The following ERLIN2 variants were observed in gnomAD, a reference collection of about 807,000 sequenced individuals.
ERLIN2 encodes ER lipid raft associated 2, also known as erlin-2.
Under a neutral mutation model 41.5 loss-of-function variants are expected in ERLIN2, and 22 were observed. The ratio of observed to expected loss-of-function variants is 0.53; its 90% confidence interval spans 0.38 to 0.76. The LOEUF is 0.76. ERLIN2 is among the 30% of genes least tolerant of loss of function. The pLI, the probability that ERLIN2 is intolerant of heterozygous loss-of-function variation, is 0.00. For missense variants in ERLIN2, 247 were observed against 414.3 expected (o/e 0.60, Z 3.51); for synonymous variants, 149 against 150.9 (o/e 0.99, Z 0.09).
intron 10 of ERLIN2, 134 bp downstream of exon 10, chr8:37,751,849 C>T (rs1308351621): frequency 1.8e-5 from 13 of 737,604 alleles, no homozygotes; most frequent in Non-Finnish European, 3.2e-5. Context: ...CAGCTTTTCT[C>T]CATGTGGAGA....
chr8:37,747,989 A>G lies in ERLIN2; in HGVS notation c.425-1570A>G, dbSNP rs537130939. 1.5e-3 allele frequency: 2,483 copies of G among 1,614,126 alleles called. 3 individuals carry two copies. The highest frequency in any genetic ancestry group is 1.9e-3 in the Non-Finnish European group (2,258 of 1,179,936). ...GTGTCAGAGCAGACTACTGACCGAG[A>G]CACTACTTTCGGCATGGTTTCCAGG... On this transcript the variant is annotated intron_variant, in intron 6 of 11. Coordinates refer to ENST00000519638, the MANE Select transcript of ERLIN2 (RefSeq NM_007175.8).
Position 37,740,423 on chromosome 8 carries a change from A to G in ERLIN2, c.166A>G (p.Ile56Val). ...GPGFHLMLPF[I>V]TSYKSVQTTL... ...TGGTTTCCATCTCATGCTCCCTTTC[A>G]TCACATCATATAAGTCTGTGCAGGT... The change falls in exon 3 of 12, where the codon ATC (isoleucine) becomes GTC (valine). Residue 56 changes from isoleucine (I) to valine (V), a missense_variant. Around this residue, in one of 3 missense-constraint regions of ERLIN2, gnomAD observed 93 missense variants for 139.0 expected, o/e 0.67. Coordinates refer to ENST00000519638, the MANE Select transcript of ERLIN2 (RefSeq NM_007175.8). 2 of 1,613,022 alleles carry G rather than the reference A, an allele frequency of 1.2e-6. No homozygotes were observed. Among genetic ancestry groups the G allele is most frequent in the Non-Finnish European group, 1.7e-6 (2 of 1,179,412 alleles).
In ERLIN2 at chr8:37,744,875, T is replaced by A. The variant is rs78504213; in HGVS notation, c.424+179T>A. On this transcript the variant is annotated intron_variant, in intron 6 of 11. Coordinates refer to ENST00000519638, the MANE Select transcript of ERLIN2 (RefSeq NM_007175.8). Reference sequence around the variant, plus strand: ...GGAGTTCATGGAGAATGCTGATAGCTATGCAACAAGATCCTTAGAGGGCTG... The same window carrying A: ...GGAGTTCATGGAGAATGCTGATAGCAATGCAACAAGATCCTTAGAGGGCTG... 12,697 of 736,874 alleles carry A rather than the reference T, an allele frequency of 0.017. 1,157 individuals carry two copies. The African/African-American group carries it at 0.19, about 11-fold the overall frequency. 45.6% of individuals were successfully genotyped at this position (736,874 alleles called of 1,614,324 possible).
chr8:37,746,830 G>A (rs1024361704), intron 6 of ERLIN2, among the ~76,000 whole-genome samples: 2 of 152,212 alleles, frequency 1.3e-5, no homozygotes, highest in Admixed American at 1.3e-4. Flanking sequence ...GGTCTCCTCT[G>A]ACAGTAGAAA....
chr8:37,743,603 A>G (rs955843045), intron 4 of ERLIN2, among the ~76,000 whole-genome samples: 1 of 152,200 alleles, frequency 6.6e-6, no homozygotes, highest in Non-Finnish European at 1.5e-5. Flanking sequence ...AGGCATACAC[A>G]GGTCAGTCCA....
rs372480451 is a variant in ERLIN2 at position 37,749,834 on chromosome 8, G to T, written c.539G>T (p.Arg180Leu). The T allele has an allele frequency of 6.2e-7, 1 of 1,614,072 alleles. No homozygotes were observed. Residue 180 changes from arginine to leucine, a missense_variant, in exon 8 of 12, where the codon CGC (arginine) becomes CTC (leucine). Arg to Leu is a moderately radical substitution (Grantham distance 102). Around this residue, in one of 3 missense-constraint regions of ERLIN2, gnomAD observed 153 missense variants for 256.4 expected, o/e 0.60. Coordinates refer to ENST00000519638, the MANE Select transcript of ERLIN2 (RefSeq NM_007175.8). ...AAGCCCAACATACCAGAGGCAATCC[G>T]CAGAAACTACGAGTTGATGTGAGTA... Reference protein sequence around the residue: ...VTKPNIPEAIRRNYELMESEK... With the variant: ...VTKPNIPEAILRNYELMESEK...
chr8:37,748,833 GT>G (rs1479024129), intron 6 of ERLIN2, among the ~76,000 whole-genome samples: 2 of 152,324 alleles, frequency 1.3e-5, no homozygotes, highest in African/African-American at 4.8e-5. Context: ...TGGTACTGCT[GT>G]TCTGAGATTG....
chr8:37,744,298 G>A, intron 4 of ERLIN2, 57 bp from the exon 5 acceptor site: 1 of 1,396,270 alleles, frequency 7.2e-7, no homozygotes. Flanking sequence ...CACCCTGGGG[G>A]ACTGCACCAT....
rs112575270 is a variant in ERLIN2, at chr8:37,740,380, G to A, written c.123G>A (p.Leu41=). 2.3e-4 allele frequency: 378 copies of A among 1,612,584 alleles called. No homozygotes were observed. The African/African-American group carries it at 3.9e-3, about 17-fold the overall frequency. Residue 41 remains leucine (L), a synonymous_variant, in exon 3 of 12, where the codon CTG becomes CTA. Transcript: ENST00000519638. ...IGVYYRGGAL[L]TSTSGPGFHL... ...TCCTCTGCAGAGGCGGTGCCCTGCT[G>A]ACTTCGACCAGCGGCCCTGGTTTCC...
chr8:37,744,824 T>C (rs1412519043), intron 6 of ERLIN2, 128 bp downstream of exon 6: 1 of 1,044,868 alleles, frequency 9.6e-7, no homozygotes, highest in Non-Finnish European at 1.5e-6. Context: ...TGTTAAAGAA[T>C]CTTGTGCTCA....
chr8:37,738,093 C>A, intron 2 of ERLIN2, 64 bp downstream of exon 2: 1 of 1,586,684 alleles, frequency 6.3e-7, no homozygotes, highest in South Asian at 1.1e-5. Flanking sequence ...CTGGTCATTG[C>A]TTTCCTAGCA....
intron 9 of ERLIN2, among the ~76,000 whole-genome samples, chr8:37,750,746 C>G (rs187918254): frequency 4.6e-5 from 7 of 151,556 alleles, no homozygotes; most frequent in Non-Finnish European, 7.4e-5. Context: ...TCTTTTGAGA[C>G]GGAGTCTTGC....
At position 37,748,081 on chromosome 8, in the gene ERLIN2, G is replaced by C. The variant is rs112468369; in HGVS notation, c.425-1478G>C. On this transcript the variant is annotated intron_variant, in intron 6 of 11. Transcript: ENST00000519638. ...AAATGACGTCACGAGCGCGCCTTGC[G>C]CCTTTTCCCTGCGGCTACCTTAGTA... 3.3e-4 allele frequency: 374 copies of C among 1,143,808 alleles called. 1 individual carries two copies. The African/African-American group carries it at 4.4e-3, about 14-fold the overall frequency. The allele number at this position is 1,143,808 out of a possible 1,614,324, so 70.9% of individuals were successfully genotyped here. A position where few individuals can be genotyped will look rare whatever the true frequency, so the allele number is the denominator to read the frequency against.
chr8:37,748,576 GCA>G (rs1199327213), intron 6 of ERLIN2, among the ~76,000 whole-genome samples: 7 of 152,166 alleles, frequency 4.6e-5, no homozygotes, highest in African/African-American at 1.7e-4. Context: ...CTCCGTTTTG[GCA>G]TCAGTGAAAG....
chr8:37,748,156 A>G (rs768952250), intron 6 of ERLIN2, among the ~76,000 whole-genome samples: 10 of 152,250 alleles, frequency 6.6e-5, no homozygotes, highest in Non-Finnish European at 1.5e-4. Flanking sequence ...ATAAACATCA[A>G]TATTACTAAA....
rs878993439 is a variant in ERLIN2 at position 37,755,108 on chromosome 8, T to A, written c.*993T>A. 1 of 152,306 alleles carries A rather than the reference T, an allele frequency of 6.6e-6. No individual in the cohort carries two copies. Among genetic ancestry groups the A allele is most frequent in the South Asian group, 2.1e-4 (1 of 4,834 alleles). 9.4% of individuals were successfully genotyped at this position (152,306 alleles called of 1,614,324 possible). ...TGTCCTGGTCTTAATGCCTGTGGCT[T>A]GTGCTGGGAGTGGGTCTGACTTAGT... On this transcript the variant is annotated 3_prime_UTR_variant, in exon 12 of 12. Transcript: ENST00000519638.
chr8:37,746,173 G>A, intron 6 of ERLIN2: 1 of 988,310 alleles, frequency 1.0e-6, no homozygotes, highest in Non-Finnish European at 1.2e-6. Flanking sequence ...CCATAAAGGA[G>A]GAGCTCATGT....
At chr8:37,747,408 C>G in intron 6 of ERLIN2, 1 of 1,589,068 alleles carries the variant, frequency 6.3e-7, no homozygotes, top group African/African-American at 1.3e-5. Context: ...CCAGCTCTTG[C>G]AGTGGCCTCT....
intron 2 of ERLIN2, among the ~76,000 whole-genome samples, chr8:37,738,760 C>G (rs933905407): frequency 6.6e-6 from 1 of 152,006 alleles, no homozygotes; most frequent in African/African-American, 2.4e-5. Flanking sequence ...CAGCACGTGC[C>G]TGTAATCCCA....
Sources: allele counts gnomAD v4.1 joint callset (sites outside exome capture counted in the v4.1 genomes callset), GRCh38; gene constraint gnomAD v4.1.1; regional missense constraint gnomAD v4.1.1; transcripts MANE v1.5; gene names NCBI Gene and HGNC (gene_info 2026-07-23, HGNC 2026-07-21).